Variants in CPA4 observed in about 807,000 individuals in gnomAD.
CPA4 encodes the protein carboxypeptidase A3.
Under a neutral mutation model 54.7 loss-of-function variants are expected in CPA4, and 49 were observed. The observed-to-expected ratio is 0.90, with a 90% CI of 0.71 to 1.14. The LOEUF (loss-of-function observed/expected upper bound fraction) is 1.14, where lower values mean the gene tolerates loss of function less well. Ranked by LOEUF, CPA4 falls within the 50% of genes most tolerant of loss-of-function variation. The pLI, the probability that CPA4 is intolerant of heterozygous loss-of-function variation, is 0.00. For missense variants in CPA4, 487 were observed against 525.1 expected, an observed-to-expected ratio of 0.93 and a Z score of 0.71; for synonymous variants, 215 against 206.8, an observed-to-expected ratio of 1.04 and a Z score of -0.34.
intron 10 of CPA4, among the ~76,000 whole-genome samples, chr7:130,312,972 C>T (rs1793936257): frequency 6.6e-6 from 1 of 152,108 alleles, no homozygotes; most frequent in South Asian, 2.1e-4. Flanking sequence ...ACATTACCCA[C>T]TAGGCTGATG....
chr7:130,323,894 T>TG lies in CPA4; in HGVS notation c.*1218_*1219insG, dbSNP rs1448869856. ...TGTATCCTGTGTTTCCTTGTCCTGG[T>TG]TTGTGTGTGTGTGTGTGTGTGTGTG... is the stretch of plus-strand genomic sequence containing the variant. On this transcript the variant is annotated 3_prime_UTR_variant, in exon 11 of 11. Coordinates refer to ENST00000222482, the MANE Select transcript of CPA4 (RefSeq NM_016352.4). 9.3e-6 allele frequency: 1 copy of TG among 107,134 alleles called. No individual in the cohort carries two copies. The highest frequency in any genetic ancestry group is 4.4e-5 in the African/African-American group (1 of 22,686). The allele number at this position is 107,134 out of a possible 1,614,324, so 6.6% of individuals were successfully genotyped here.
At position 130,310,823 on chromosome 7, in the gene CPA4, A is replaced by G; in HGVS notation, c.830A>G (p.Tyr277Cys). 1.9e-6 allele frequency: 3 copies of G among 1,614,246 alleles called. No individual in the cohort carries two copies. The highest frequency in any genetic ancestry group is 2.2e-5 in the South Asian group (2 of 91,080). ...AGCGACAACCCTTGCTCCGAAGTGT[A>G]CCATGGACCCCACGCCAATTCGGAA... is the stretch of plus-strand genomic sequence containing the variant. ...GASDNPCSEV[Y>C]HGPHANSEVE... The change falls in exon 9 of 11, where the codon TAC becomes TGC. Residue 277 changes from tyrosine to cysteine, a missense_variant. Tyr to Cys is a radical substitution (Grantham distance 194). Transcript: ENST00000222482. This position sits in a 1 kb window ranked among gnomAD's most constrained non-coding sequence, Gnocchi z 4.3.
chr7:130,310,724 C>T lies in CPA4; in HGVS notation c.794-63C>T, dbSNP rs1420026224. ...ACCTTCGGCCCCTCTCTAGGTGGAGCGTCTTGCATTTCTGTGTTCTTGGAC... is the reference window on the plus strand; with the variant it reads ...ACCTTCGGCCCCTCTCTAGGTGGAGTGTCTTGCATTTCTGTGTTCTTGGAC... On this transcript the variant is annotated intron_variant, in intron 8 of 10. Coordinates refer to ENST00000222482, the MANE Select transcript of CPA4 (RefSeq NM_016352.4). The surrounding 1 kb of genome is among the most constrained non-coding windows in gnomAD (Gnocchi z 4.3). 4.7e-6 allele frequency: 7 copies of T among 1,484,948 alleles called. No individual in the cohort carries two copies. The highest frequency in any genetic ancestry group is 2.3e-5 in the East Asian group (1 of 44,066). The allele number at this position is 1,484,948 out of a possible 1,614,324, so 92.0% of individuals were successfully genotyped here.
intron 8 of CPA4, 25 bp downstream of exon 8, chr7:130,308,422 A>C: frequency 2.5e-6 from 4 of 1,590,718 alleles, no homozygotes; most frequent in Non-Finnish European, 3.5e-6. Flanking sequence ...GACAGTTCTC[A>C]AATCCTGCTG....
In CPA4 at chr7:130,293,168, A is replaced by G; in HGVS notation, c.-13A>G. The G allele has an allele frequency of 6.3e-7, 1 of 1,581,454 alleles. No individual in the cohort carries two copies. Among genetic ancestry groups the G allele is most frequent in the East Asian group, 2.2e-5 (1 of 44,692 alleles). On this transcript the variant is annotated 5_prime_UTR_variant, in exon 1 of 11. Transcript: ENST00000222482. Reference sequence around the variant, plus strand: ...GCTTGACTCAGCCACTGTATGACTGACTCCCCGGGGACATGAGGTGGATAC... The same window carrying G: ...GCTTGACTCAGCCACTGTATGACTGGCTCCCCGGGGACATGAGGTGGATAC...
At chr7:130,307,981 A>G (rs1370415240) in intron 7 of CPA4, among the ~76,000 whole-genome samples, 3 of 152,234 alleles carry the variant, frequency 2.0e-5, no homozygotes, top group African/African-American at 4.8e-5. Flanking sequence ...AGCTACATCT[A>G]TTATCACCGA....
chr7:130,300,719 C>T, intron 3 of CPA4, 97 bp from the exon 4 acceptor site: 1 of 755,340 alleles, frequency 1.3e-6, no homozygotes, highest in Non-Finnish European at 2.4e-6. Context: ...GCTGAAAGGG[C>T]CGCCATCTTG....
chr7:130,307,427 C>T (rs111440544), intron 7 of CPA4, among the ~76,000 whole-genome samples: 6,569 of 152,006 alleles, frequency 0.043, 193 homozygotes, highest in Middle Eastern at 0.095. Flanking sequence ...GTCAGGAGAT[C>T]GAGACCATCC....
At position 130,298,731 on chromosome 7, in the gene CPA4, T is replaced by G; in HGVS notation, c.69-15T>G. The G allele has an allele frequency of 6.4e-7, 1 of 1,564,180 alleles. No homozygotes were observed. On this transcript the variant is annotated splice_polypyrimidine_tract_variant and intron_variant, in intron 1 of 10. Transcript: ENST00000222482. ...ATTATCTTTTGCTCTTTTTTCCTTT[T>G]CGCTTCTTCCCCAGGGACCAAGTTT... is the stretch of plus-strand genomic sequence containing the variant.
chr7:130,299,531 A>G lies in CPA4; in HGVS notation c.285+127A>G, dbSNP rs114599600. ...ATTTTATAGACCAGGAAATGGAGGC[A>G]AATGGAAGTAAAGTGCAGTGACTTG... On this transcript the variant is annotated intron_variant, in intron 3 of 10. Transcript: ENST00000222482. 1.7e-3 allele frequency: 1,435 copies of G among 826,970 alleles called. 16 individuals are homozygous for G. The African/African-American group carries it at 0.022, about 13-fold the overall frequency. 51.2% of individuals were successfully genotyped at this position (826,970 alleles called of 1,614,324 possible).
chr7:130,322,268 G>A (rs1794120213), intron 10 of CPA4, among the ~76,000 whole-genome samples: 1 of 152,132 alleles, frequency 6.6e-6, no homozygotes, highest in South Asian at 2.1e-4. Context: ...GTGGGAGTAG[G>A]GGTTTCAGAT....
chr7:130,299,403 A>G lies in CPA4; in HGVS notation c.284A>G (p.Gln95Arg), dbSNP rs1411841371. Residue 95 changes from glutamine to arginine, a missense_variant and splice_region_variant, in exon 3 of 11, where the codon CAG becomes CGG. Transcript: ENST00000222482. ...TACGCAGTGACAATTGAGGACCTGCAGGTAGGTAGACTATGCCTCCTGCCT... is the reference window on the plus strand; with the variant it reads ...TACGCAGTGACAATTGAGGACCTGCGGGTAGGTAGACTATGCCTCCTGCCT... Reference protein sequence around the residue: ...LEYAVTIEDLQALLDNEDDEM... With the variant: ...LEYAVTIEDLRALLDNEDDEM... 1 of 1,613,920 alleles carries G rather than the reference A, an allele frequency of 6.2e-7. No individual in the cohort carries two copies. The highest frequency in any genetic ancestry group is 8.5e-7 in the Non-Finnish European group (1 of 1,179,906).
chr7:130,293,892 T>C (rs769850356), intron 1 of CPA4, among the ~76,000 whole-genome samples: 4 of 151,794 alleles, frequency 2.6e-5, no homozygotes, highest in Non-Finnish European at 2.9e-5. Flanking sequence ...TGTGTGCGCG[T>C]GTGTGTGTGC....
chr7:130,294,388 G>C (rs1479459255), intron 1 of CPA4, among the ~76,000 whole-genome samples: 1 of 152,204 alleles, frequency 6.6e-6, no homozygotes, highest in East Asian at 1.9e-4. Flanking sequence ...TTATGATGAT[G>C]ACTTCTGTTC....
intron 4 of CPA4, 64 bp downstream of exon 4, chr7:130,300,978 C>T: frequency 9.7e-7 from 1 of 1,027,770 alleles, no homozygotes; most frequent in South Asian, 1.3e-5. Context: ...AACCTCTCTC[C>T]TTACTTCCAG....
At chr7:130,295,306 A>G (rs1341638994) in intron 1 of CPA4, among the ~76,000 whole-genome samples, 1 of 152,244 alleles carries the variant, frequency 6.6e-6, no homozygotes, top group Non-Finnish European at 1.5e-5. Context: ...TCCAAAGCAC[A>G]GACTCCTGTG....
chr7:130,298,307 G>C (rs1793682889), intron 1 of CPA4, among the ~76,000 whole-genome samples: 1 of 152,200 alleles, frequency 6.6e-6, no homozygotes, highest in South Asian at 2.1e-4. Flanking sequence ...TGTAACTCAG[G>C]CACATTCCTT....
chr7:130,313,336 C>T (rs1397818261), intron 10 of CPA4, among the ~76,000 whole-genome samples: 6 of 152,188 alleles, frequency 3.9e-5, no homozygotes, highest in Non-Finnish European at 7.3e-5. Context: ...TGTTTCCAAA[C>T]CAAGAAGTTA....
intron 7 of CPA4, among the ~76,000 whole-genome samples, chr7:130,307,255 A>T (rs10244750): frequency 0.39 from 59,946 of 151,812 alleles, 11,823 homozygotes; most frequent in Non-Finnish European, 0.42. Context: ...AAAAAAAATT[A>T]AAAAACCCTA....
Sources: gnomAD v4.1 joint callset for allele counts (sites outside exome capture counted in the v4.1 genomes callset) on GRCh38, gnomAD v4.1.1 for gene constraint, Gnocchi (gnomAD v3.1) non-coding constraint, MANE v1.5 for transcripts, NCBI Gene and HGNC (gene_info 2026-07-23, HGNC 2026-07-21) for gene names.